Variants in MICU1 observed in about 807,000 individuals in gnomAD.
MICU1 encodes calcium uptake protein 1, mitochondrial.
A neutral mutation model predicts 56.8 loss-of-function variants in MICU1; 45 were observed. That is an observed-to-expected ratio of 0.79 (90% CI 0.62 to 1.02). The LOEUF is 1.02. Among genes scored for constraint, MICU1 ranks in the 50% least tolerant of loss-of-function variants. MICU1 has a pLI of 0.00. For missense variants in MICU1, 504 were observed against 587.1 expected (o/e 0.86, Z 1.46); for synonymous variants, 186 against 195.1 (o/e 0.95, Z 0.39).
chr10:72,514,913 G>C (rs1013171990), intron 5 of MICU1, among the ~76,000 whole-genome samples: 4 of 152,074 alleles, frequency 2.6e-5, no homozygotes, highest in Non-Finnish European at 5.9e-5. Context: ...TTCCTTCCCA[G>C]GCTATTTGGT....
At chr10:72,510,651 A>ATT (rs34420198) in intron 5 of MICU1, among the ~76,000 whole-genome samples, 184 of 150,124 alleles carry the variant, frequency 1.2e-3, no homozygotes, top group Admixed American at 3.8e-3. Flanking sequence ...GTCCTTTTTT[A>ATT]TTTTTTTTTT....
intron 8 of MICU1, among the ~76,000 whole-genome samples, chr10:72,429,461 A>G (rs1005397994): frequency 2.7e-4 from 41 of 151,978 alleles, no homozygotes; most frequent in African/African-American, 9.9e-4. Context: ...AAATGTAGCA[A>G]TTAATTTTAT....
intron 1 of MICU1, among the ~76,000 whole-genome samples, chr10:72,579,713 T>A (rs1290210233): frequency 2.0e-5 from 3 of 152,190 alleles, no homozygotes; most frequent in Non-Finnish European, 4.4e-5. Context: ...CCACAGAATG[T>A]CCACATAGGT....
At chr10:72,498,561 C>T (rs111608719) in intron 6 of MICU1, among the ~76,000 whole-genome samples, 2 of 151,796 alleles carry the variant, frequency 1.3e-5, no homozygotes, top group African/African-American at 4.8e-5. Context: ...ACTCCAGCCT[C>T]GGTGACAGAA....
intron 1 of MICU1, among the ~76,000 whole-genome samples, chr10:72,575,449 T>C (rs1840716492): frequency 6.6e-6 from 1 of 152,314 alleles, no homozygotes; most frequent in Non-Finnish European, 1.5e-5. Flanking sequence ...GCATACCTCA[T>C]TCTATTGTGC....
chr10:72,573,906 A>G (rs1167600453), intron 1 of MICU1, among the ~76,000 whole-genome samples: 2 of 152,178 alleles, frequency 1.3e-5, no homozygotes, highest in Non-Finnish European at 2.9e-5. Flanking sequence ...TCAAGCTCAT[A>G]TCCTTTTATT....
chr10:72,554,996 TAGAG>T (rs1840124401), intron 3 of MICU1, among the ~76,000 whole-genome samples: 1 of 152,042 alleles, frequency 6.6e-6, no homozygotes, highest in South Asian at 2.1e-4. Flanking sequence ...GCCTGGGTGA[TAGAG>T]AGAGACTCTA....
At position 72,508,209 on chromosome 10, in the gene MICU1, C is replaced by G; in HGVS notation, c.598G>C (p.Glu200Gln). 1.3e-6 allele frequency: 2 copies of G among 1,552,430 alleles called. No homozygotes were observed. The highest frequency in any genetic ancestry group is 1.8e-6 in the Non-Finnish European group (2 of 1,138,982). Residue 200 changes from glutamate to glutamine, a missense_variant, in exon 6 of 12, where the codon GAA becomes CAA. Transcript: ENST00000361114. ...DEGSIFYTLGECGLISFSDYI... is the reference protein window; with the variant it reads ...DEGSIFYTLGQCGLISFSDYI... The stretch of plus-strand genomic sequence containing the variant: ...TCTGAAAAGGATATGAGCCCACATT[C>G]TCCAAGGGTGTAAAATATACTGCCT...
In MICU1 at chr10:72,448,191, A is replaced by ATTTTTTT. The variant is rs879641500; in HGVS notation, c.934-24821_934-24820insAAAAAAA. 1.4e-3 allele frequency among the ~76,000 whole-genome samples: 57 copies of ATTTTTTT among 39,450 alleles called. 1 individual carries two copies. Among genetic ancestry groups the ATTTTTTT allele is most frequent in the Non-Finnish European group, 3.1e-3 (53 of 17,228 alleles). 25.9% of individuals were successfully genotyped at this position (39,450 alleles called of 152,430 possible). A position where few individuals can be genotyped will look rare whatever the true frequency, so the allele number is the denominator to read the frequency against. On this transcript the variant is annotated intron_variant, in intron 8 of 11. Coordinates refer to ENST00000361114, the MANE Select transcript of MICU1 (RefSeq NM_001195518.2). Reference sequence around the variant, plus strand: ...TGTGTGTGTATATATATATATATATATATTTTTTTTTTTTTTTTTTTTTTT... The same window carrying ATTTTTTT: ...TGTGTGTGTATATATATATATATATATTTTTTTTATTTTTTTTTTTTTTTTTTTTTTT...
chr10:72,555,411 A>C lies in MICU1; in HGVS notation c.331-4070T>G, dbSNP rs549067442. On this transcript the variant is annotated intron_variant, in intron 3 of 11. Coordinates refer to ENST00000361114, the MANE Select transcript of MICU1 (RefSeq NM_001195518.2). ...ATAAAAAAAAAACTTAAGGAAGAAAAATGTTAATTTTTTCTGTGATTTGAC... is the reference window on the plus strand; with the variant it reads ...ATAAAAAAAAAACTTAAGGAAGAAACATGTTAATTTTTTCTGTGATTTGAC... Among the ~76,000 whole-genome samples the C allele has an allele frequency of 6.6e-5, 10 of 152,292 alleles. No homozygotes were observed. In the East Asian group the frequency reaches 1.9e-3, roughly 29 times the overall value.
At chr10:72,479,554 G>C (rs547123654) in intron 6 of MICU1, among the ~76,000 whole-genome samples, 1 of 152,268 alleles carries the variant, frequency 6.6e-6, no homozygotes, top group East Asian at 1.9e-4. Context: ...TTTGGGACAG[G>C]GTCTTGTTCT....
chr10:72,489,974 T>C (rs1866599878), intron 6 of MICU1, among the ~76,000 whole-genome samples: 1 of 152,204 alleles, frequency 6.6e-6, no homozygotes, highest in East Asian at 1.9e-4. Flanking sequence ...AAACCAATGA[T>C]TGGTTCAGAC....
At chr10:72,387,650 C>T (rs1292813317) in intron 10 of MICU1, among the ~76,000 whole-genome samples, 1 of 151,894 alleles carries the variant, frequency 6.6e-6, no homozygotes, top group Non-Finnish European at 1.5e-5. Context: ...AACCTAGAAG[C>T]TTCAATCCTC....
chr10:72,457,672 C>G (rs1215510174), intron 8 of MICU1, among the ~76,000 whole-genome samples: 2 of 151,556 alleles, frequency 1.3e-5, no homozygotes, highest in Non-Finnish European at 2.9e-5. Context: ...TAGCATTTTA[C>G]CAGAGAAAAA....
intron 8 of MICU1, among the ~76,000 whole-genome samples, chr10:72,433,030 C>T (rs553454919): frequency 7.9e-4 from 120 of 152,196 alleles, no homozygotes; most frequent in African/African-American, 2.8e-3. Context: ...CTCCGCCTCC[C>T]AGGTTCAAGT....
chr10:72,534,833 T>C (rs1026022525), intron 4 of MICU1, among the ~76,000 whole-genome samples: 1 of 151,896 alleles, frequency 6.6e-6, no homozygotes, highest in Non-Finnish European at 1.5e-5. Context: ...AAACAGATAA[T>C]TTAAGACACA....
intron 8 of MICU1, among the ~76,000 whole-genome samples, chr10:72,452,950 A>G (rs1306446715): frequency 6.6e-6 from 1 of 152,194 alleles, no homozygotes; most frequent in Non-Finnish European, 1.5e-5. Context: ...GATGACCTCT[A>G]TAAAGCAGAT....
chr10:72,498,172 A>G (rs899983406), intron 6 of MICU1, among the ~76,000 whole-genome samples: 1 of 152,250 alleles, frequency 6.6e-6, no homozygotes, highest in East Asian at 1.9e-4. Context: ...GTCAGATGAG[A>G]AGAAGGAATA....
chr10:72,375,681 TG>T, intron 11 of MICU1, 101 bp downstream of exon 11: 1 of 1,059,856 alleles, frequency 9.4e-7, no homozygotes, highest in Middle Eastern at 2.9e-4. Context: ...TTGAAGAGGA[TG>T]GGCTGGTACA....
Sources: allele counts gnomAD v4.1 joint callset (sites outside exome capture counted in the v4.1 genomes callset), GRCh38; gene constraint gnomAD v4.1.1; transcripts MANE v1.5; gene names NCBI Gene and HGNC (gene_info 2026-07-23, HGNC 2026-07-21).